The following DGKD variants were observed in gnomAD, a reference collection of about 807,000 sequenced individuals.
DGKD encodes diacylglycerol kinase delta.
A neutral mutation model predicts 154.4 loss-of-function variants in DGKD; 68 were observed. That is an observed-to-expected ratio of 0.44 (90% confidence interval 0.36 to 0.54). The LOEUF is 0.54. Among genes scored for constraint, DGKD ranks in the 20% least tolerant of loss-of-function variants. DGKD has a pLI of 0.00. For missense variants in DGKD, 1,343 were observed against 1,593.6 expected, an observed-to-expected ratio of 0.84 and a Z score of 2.68; for synonymous variants, 693 against 638.0, an observed-to-expected ratio of 1.09 and a Z score of -1.30.
chr2:233,387,229 T>TA (rs1234135487), intron 1 of DGKD, among the ~76,000 whole-genome samples: 1 of 152,230 alleles, frequency 6.6e-6, no homozygotes, highest in African/African-American at 2.4e-5. Flanking sequence ...AACATTTACG[T>TA]AAAGTGCAGA....
At chr2:233,420,123 T>C (rs1376429100) in intron 3 of DGKD, among the ~76,000 whole-genome samples, 1 of 152,160 alleles carries the variant, frequency 6.6e-6, no homozygotes, top group Non-Finnish European at 1.5e-5. Flanking sequence ...ATAAAAGCCC[T>C]GGGAACCCTG....
intron 3 of DGKD, among the ~76,000 whole-genome samples, chr2:233,409,303 A>G (rs1274139051): frequency 6.6e-6 from 1 of 152,254 alleles, no homozygotes; most frequent in African/African-American, 2.4e-5. Context: ...CAGAGAAAAC[A>G]AAGTGGATAG....
intron 1 of DGKD, among the ~76,000 whole-genome samples, chr2:233,380,392 G>A (rs548382038): frequency 6.6e-6 from 1 of 152,200 alleles, no homozygotes; most frequent in African/African-American, 2.4e-5. Flanking sequence ...TTGGCTGTAG[G>A]TTGATGTCAT....
At chr2:233,388,051 C>A (rs767403609) in intron 1 of DGKD, 16 of 1,149,278 alleles carry the variant, frequency 1.4e-5, no homozygotes, top group Admixed American at 3.3e-5. Flanking sequence ...GCACACATTG[C>A]CCCTTAGAGG....
rs751244476 is a variant in DGKD at position 233,448,311 on chromosome 2, G to A, written c.1550G>A (p.Arg517Gln). 2.2e-5 allele frequency: 35 copies of A among 1,614,024 alleles called. No homozygotes were observed. The highest frequency in any genetic ancestry group is 1.6e-4 in the Middle Eastern group (1 of 6,082). The change falls in exon 14 of 30, where the codon CGG (arginine) becomes CAG (glutamine). Residue 517 changes from arginine (R) to glutamine (Q), a missense_variant. Arg to Gln is a conservative substitution (Grantham distance 43, BLOSUM62 1). This residue lies in a region of DGKD where 409 missense variants were observed against 446.0 expected (regional missense o/e 0.92). Transcript: ENST00000264057. ...LCETVKDFVA[R>Q]VGKAYEKTTE... ...GAGACGGTGAAGGACTTCGTGGCAC[G>A]GGTGGGGAAGGCCTATGAGAAGACG... is the stretch of plus-strand genomic sequence containing the variant.
Position 233,449,280 on chromosome 2 carries a change from G to A in DGKD, c.1792G>A (p.Ala598Thr). 1 of 1,613,314 alleles carries A rather than the reference G, an allele frequency of 6.2e-7. No individual in the cohort carries two copies. The highest frequency in any genetic ancestry group is 1.1e-5 in the South Asian group (1 of 91,072). ...CCGCTTGGTGGCATCAGCTTGCCCG[G>A]CCCGGCCGCAGATATTCCGGCCTCG... ...GDRLVASACP[A>T]RPQIFRPREQ... Residue 598 changes from alanine (A) to threonine (T), a missense_variant, in exon 15 of 30, where the codon GCC becomes ACC. Around this residue, in one of 6 missense-constraint regions of DGKD, gnomAD observed 409 missense variants for 446.0 expected, o/e 0.92. Coordinates refer to ENST00000264057, the MANE Select transcript of DGKD (RefSeq NM_152879.3). The surrounding 1 kb of genome is among the most constrained non-coding windows in gnomAD (Gnocchi z 5.3).
intron 3 of DGKD, among the ~76,000 whole-genome samples, chr2:233,407,435 A>G (rs1256650204): frequency 6.6e-6 from 1 of 152,208 alleles, no homozygotes; most frequent in Non-Finnish European, 1.5e-5. Flanking sequence ...TAGCTAAATA[A>G]AAAGGAAGCT....
At chr2:233,434,519 C>CT (rs780735498) in intron 4 of DGKD, 35 bp downstream of exon 4, 3 of 1,586,046 alleles carry the variant, frequency 1.9e-6, no homozygotes, top group East Asian at 4.5e-5. Context: ...CAAATGCCTC[C>CT]TGTTGCCTCC....
rs554136241 is a variant in DGKD, at chr2:233,432,607, G to A, written c.349-1773G>A. Among the ~76,000 whole-genome samples the A allele has an allele frequency of 2.6e-5, 4 of 152,272 alleles. No individual in the cohort carries two copies. The East Asian group carries it at 5.8e-4, about 22-fold the overall frequency. The stretch of plus-strand genomic sequence containing the variant: ...CCAAGAGGCGGAGTTTGCAGTGAGC[G>A]GAGATTGCGCCACTGCACACCAGCC... On this transcript the variant is annotated intron_variant, in intron 3 of 29. Coordinates refer to ENST00000264057, the MANE Select transcript of DGKD (RefSeq NM_152879.3).
At chr2:233,390,542 A>G in intron 3 of DGKD, 59 bp downstream of exon 3, 3 of 1,279,086 alleles carry the variant, frequency 2.3e-6, no homozygotes, top group Non-Finnish European at 3.4e-6. Context: ...TTCCTTTTTG[A>G]TCTGAACATG....
intron 16 of DGKD, among the ~76,000 whole-genome samples, chr2:233,450,545 G>C (rs955511870): frequency 1.3e-5 from 2 of 152,136 alleles, no homozygotes; most frequent in African/African-American, 4.8e-5. Context: ...GCAGGCCCTG[G>C]TGGAGGGCAC....
chr2:233,388,008 A>G (rs998871813), intron 1 of DGKD: 1 of 668,894 alleles, frequency 1.5e-6, no homozygotes, highest in Non-Finnish European at 2.3e-6. Flanking sequence ...TCCAGGGCAC[A>G]CCCTGGGCCT....
At position 233,449,258 on chromosome 2, in the gene DGKD, C is replaced by T; in HGVS notation, c.1770C>T (p.Arg590=). 6.2e-7 allele frequency: 1 copy of T among 1,613,668 alleles called. No homozygotes were observed. Among genetic ancestry groups the T allele is most frequent in the South Asian group, 1.1e-5 (1 of 91,084 alleles). The change falls in exon 15 of 30, where the codon CGC becomes CGT. Residue 590 remains arginine, a synonymous_variant. Transcript: ENST00000264057. The surrounding 1 kb of genome is among the most constrained non-coding windows in gnomAD (Gnocchi z 5.3). Reference sequence around the variant, plus strand: ...GCATCTGCGGTTCCACCGGAGACCGCTTGGTGGCATCAGCTTGCCCGGCCC... The same window carrying T: ...GCATCTGCGGTTCCACCGGAGACCGTTTGGTGGCATCAGCTTGCCCGGCCC... ...SGSICGSTGD[R]LVASACPARP...
Position 233,441,521 on chromosome 2 carries a change from C to T in DGKD, c.1086-366C>T, listed in dbSNP as rs1302453564. ...GGCAGGGACAGTGACGCAGGGTGGG[C>T]TCACATGGTTAGGGGCCACGGCAGG... is the stretch of plus-strand genomic sequence containing the variant. On this transcript the variant is annotated intron_variant, in intron 9 of 29. Coordinates refer to ENST00000264057, the MANE Select transcript of DGKD (RefSeq NM_152879.3). This position sits in a 1 kb window ranked among gnomAD's most constrained non-coding sequence, Gnocchi z 5.6. Among the ~76,000 whole-genome samples the T allele has an allele frequency of 6.6e-6, 1 of 152,152 alleles. No individual in the cohort carries two copies. Among genetic ancestry groups the T allele is most frequent in the African/African-American group, 2.4e-5 (1 of 41,432 alleles).
At chr2:233,439,318 T>C (rs2062813153) in intron 9 of DGKD, among the ~76,000 whole-genome samples, 1 of 152,150 alleles carries the variant, frequency 6.6e-6, no homozygotes. Flanking sequence ...CTCGGCCAGC[T>C]CCCTGCGTGT....
chr2:233,462,579 C>A (rs185546568), intron 25 of DGKD, 64 bp from the exon 26 acceptor site: 1 of 1,561,226 alleles, frequency 6.4e-7, no homozygotes. Flanking sequence ...AGTGCTTGTT[C>A]CCTGCCCCTA....
chr2:233,391,834 C>G (rs780473758), intron 3 of DGKD, among the ~76,000 whole-genome samples: 6 of 152,094 alleles, frequency 3.9e-5, no homozygotes, highest in Non-Finnish European at 7.4e-5. Context: ...TAAACCTCTG[C>G]TTATTTTGTG....
chr2:233,462,344 C>T lies in DGKD; in HGVS notation c.2982-4C>T. ...CATCTGCCCGTGCTTCTCTTCCTCT[C>T]TAGTATCCGAGAAATAGCTCAGTCT... On this transcript the variant is annotated splice_polypyrimidine_tract_variant and splice_region_variant and intron_variant, in intron 24 of 29. Transcript: ENST00000264057. 1 of 1,595,750 alleles carries T rather than the reference C, an allele frequency of 6.3e-7. No individual in the cohort carries two copies. The highest frequency in any genetic ancestry group is 1.1e-5 in the South Asian group (1 of 90,466).
At chr2:233,363,441 A>G (rs1701878446) in intron 1 of DGKD, among the ~76,000 whole-genome samples, 1 of 152,232 alleles carries the variant, frequency 6.6e-6, no homozygotes, top group African/African-American at 2.4e-5. Context: ...ATGTTACTAC[A>G]AAAGAGTAAA....
Sources: gnomAD v4.1 joint callset for allele counts (sites outside exome capture counted in the v4.1 genomes callset) on GRCh38, gnomAD v4.1.1 for gene constraint, gnomAD v4.1.1 regional missense constraint, Gnocchi (gnomAD v3.1) non-coding constraint, MANE v1.5 for transcripts, NCBI Gene and HGNC (gene_info 2026-07-23, HGNC 2026-07-21) for gene names.